The following SEC23A variants were observed in gnomAD, a reference collection of about 807,000 sequenced individuals.
SEC23A encodes protein transport protein Sec23A.
SEC23A carries 56 observed loss-of-function variants against 103.7 expected under a neutral mutation model. That is an observed-to-expected ratio of 0.54 (90% CI 0.44 to 0.67). The LOEUF (loss-of-function observed/expected upper bound fraction) is 0.67, where lower values mean the gene tolerates loss of function less well. SEC23A is among the 30% of genes least tolerant of loss of function. The probability of loss-of-function intolerance (pLI) is 0.00; values close to 1 mark genes in which losing one functional copy is unlikely to be tolerated. For missense variants in SEC23A, 784 were observed against 936.4 expected (o/e 0.84, Z 2.12); for synonymous variants, 281 against 293.0 (o/e 0.96, Z 0.42).
rs760520135 is a variant in SEC23A, at chr14:39,045,155, C to A, written c.1899+8G>T. The A allele has an allele frequency of 1.9e-6, 3 of 1,611,440 alleles. No individual in the cohort carries two copies. The highest frequency in any genetic ancestry group is 1.3e-5 in the African/African-American group (1 of 74,514). On this transcript the variant is annotated splice_region_variant and intron_variant, in intron 16 of 19. Transcript: ENST00000307712. Reference sequence around the variant, plus strand: ...CAAGACCAATTTATTTTTTTCTGTCCCTCTTACCTCTGGTGGTCCACTAAA... The same window carrying A: ...CAAGACCAATTTATTTTTTTCTGTCACTCTTACCTCTGGTGGTCCACTAAA...
At chr14:39,097,853 G>A (rs751272187) in intron 1 of SEC23A, among the ~76,000 whole-genome samples, 2 of 152,166 alleles carry the variant, frequency 1.3e-5, no homozygotes, top group Non-Finnish European at 2.9e-5. Context: ...GGGAGGCTGA[G>A]GCAGGTGGAT....
intron 14 of SEC23A, among the ~76,000 whole-genome samples, chr14:39,051,838 C>T (rs1027795586): frequency 1.3e-5 from 2 of 151,908 alleles, no homozygotes; most frequent in Non-Finnish European, 2.9e-5. Flanking sequence ...TGTGGTGGCA[C>T]ACACCTGTTA....
intron 11 of SEC23A, 98 bp downstream of exon 11, chr14:39,064,815 A>C: frequency 1.1e-6 from 1 of 879,768 alleles, no homozygotes; most frequent in Non-Finnish European, 2.0e-6. Context: ...CCTGGGCTTA[A>C]GCAATCCTCC....
At chr14:39,087,262 T>G (rs1240038101) in intron 5 of SEC23A, among the ~76,000 whole-genome samples, 1 of 152,216 alleles carries the variant, frequency 6.6e-6, no homozygotes, top group Admixed American at 6.5e-5. Context: ...CAAAAACACT[T>G]TATTTCTAAT....
intron 19 of SEC23A, among the ~76,000 whole-genome samples, chr14:39,036,694 AT>A (rs1344810661): frequency 6.6e-6 from 1 of 152,172 alleles, no homozygotes; most frequent in Non-Finnish European, 1.5e-5. Flanking sequence ...AGGATCTTAA[AT>A]ATCTGTTCTT....
intron 7 of SEC23A, among the ~76,000 whole-genome samples, chr14:39,079,396 T>A (rs1887141516): frequency 6.6e-6 from 1 of 152,198 alleles, no homozygotes; most frequent in South Asian, 2.1e-4. Flanking sequence ...ATTTGTATTG[T>A]CATATTAGAA....
chr14:39,047,769 T>C (rs1448555359), intron 15 of SEC23A, among the ~76,000 whole-genome samples: 1 of 152,208 alleles, frequency 6.6e-6, no homozygotes, highest in Non-Finnish European at 1.5e-5. Context: ...TAAAAGCTCC[T>C]TGTAAGAGGG....
intron 18 of SEC23A, chr14:39,040,473 T>C (rs920542640): frequency 3.9e-6 from 2 of 511,564 alleles, no homozygotes; most frequent in South Asian, 2.3e-5. Flanking sequence ...ACCACCACAA[T>C]GCCATCCTGG....
rs1886696607 is a variant in SEC23A, at chr14:39,067,168, C to T, written c.1227+5G>A. Reference sequence around the variant, plus strand: ...ATATCGCACATGTCAAGTTTTGGTTCTTACCTTTATTTCTAGCGTACCACC... The same window carrying T: ...ATATCGCACATGTCAAGTTTTGGTTTTTACCTTTATTTCTAGCGTACCACC... On this transcript the variant is annotated splice_donor_5th_base_variant and intron_variant, in intron 10 of 19. Transcript: ENST00000307712. The T allele has an allele frequency of 6.2e-7, 1 of 1,613,546 alleles. No homozygotes were observed. Among genetic ancestry groups the T allele is most frequent in the Non-Finnish European group, 8.5e-7 (1 of 1,179,854 alleles).
intron 19 of SEC23A, among the ~76,000 whole-genome samples, chr14:39,037,494 C>T (rs1247759197): frequency 6.6e-6 from 1 of 152,134 alleles, no homozygotes; most frequent in Non-Finnish European, 1.5e-5. Flanking sequence ...AACATTTTGC[C>T]ACGTATGCTT....
In SEC23A at chr14:39,094,402, AT is replaced by A; in HGVS notation, c.222-1159del. On this transcript the variant is annotated intron_variant, in intron 2 of 19. Coordinates refer to ENST00000307712, the MANE Select transcript of SEC23A (RefSeq NM_006364.4). ...CACACACACACACACACACACATAT[AT>A]ATATATATATATATATATATATATA... Among the ~76,000 whole-genome samples, 3 of 2,850 alleles carry A rather than the reference AT, an allele frequency of 1.1e-3. 1 individual carries two copies. The East Asian group carries it at 0.06, about 57-fold the overall frequency. 1.9% of individuals were successfully genotyped at this position (2,850 alleles called of 152,430 possible).
rs553514559 is a variant in SEC23A, at chr14:39,078,292, G to T, written c.829-2199C>A. On this transcript the variant is annotated intron_variant, in intron 7 of 19. Coordinates refer to ENST00000307712, the MANE Select transcript of SEC23A (RefSeq NM_006364.4). ...AAAAGTACATAAAATTTAAAGATAG[G>T]AAATAATGCAAGCAGTAGATCAGAA... 2.0e-5 allele frequency among the ~76,000 whole-genome samples: 3 copies of T among 151,740 alleles called. No homozygotes were observed. The South Asian group carries it at 6.3e-4, about 32-fold the overall frequency.
Position 39,054,277 on chromosome 14 carries a change from A to G in SEC23A, c.1659+866T>C, listed in dbSNP as rs138309452. On this transcript the variant is annotated intron_variant, in intron 14 of 19. Coordinates refer to ENST00000307712, the MANE Select transcript of SEC23A (RefSeq NM_006364.4). Reference sequence around the variant, plus strand: ...GTGACAGAGTGAGACCCTGTCTCAAAAAAAAAAAAAGGGACTAAGCTTAAT... The same window carrying G: ...GTGACAGAGTGAGACCCTGTCTCAAGAAAAAAAAAAGGGACTAAGCTTAAT... Among the ~76,000 whole-genome samples the G allele has an allele frequency of 7.6e-3, 1,146 of 151,386 alleles. 3 individuals are homozygous for G. Among genetic ancestry groups the G allele is most frequent in the Admixed American group, 0.013 (204 of 15,188 alleles).
chr14:39,079,029 T>C (rs974642783), intron 7 of SEC23A, among the ~76,000 whole-genome samples: 2 of 152,064 alleles, frequency 1.3e-5, no homozygotes, highest in Non-Finnish European at 2.9e-5. Flanking sequence ...ATTCTAAAAA[T>C]GTCTAGTGAA....
intron 9 of SEC23A, among the ~76,000 whole-genome samples, chr14:39,068,963 G>T (rs1886758971): frequency 6.6e-6 from 1 of 152,060 alleles, no homozygotes. Flanking sequence ...CCTTGATCCA[G>T]AAGTCTTGCC....
intron 12 of SEC23A, 107 bp from the exon 13 acceptor site, chr14:39,061,978 T>C: frequency 1.3e-6 from 1 of 759,944 alleles, no homozygotes; most frequent in Non-Finnish European, 2.4e-6. Context: ...CTAAAATTGA[T>C]TAGAAGGATA....
chr14:39,062,591 A>T (rs953081055), intron 12 of SEC23A, among the ~76,000 whole-genome samples: 7 of 152,326 alleles, frequency 4.6e-5, no homozygotes, highest in Non-Finnish European at 1.0e-4. Context: ...AATTATCATC[A>T]GAAAGAAATA....
chr14:39,054,282 A>G (rs1886168491), intron 14 of SEC23A, among the ~76,000 whole-genome samples: 1 of 152,070 alleles, frequency 6.6e-6, no homozygotes, highest in Non-Finnish European at 1.5e-5. Flanking sequence ...CTCAAAAAAA[A>G]AAAAAGGGAC....
intron 14 of SEC23A, among the ~76,000 whole-genome samples, chr14:39,049,862 G>A (rs1009560497): frequency 5.3e-5 from 8 of 151,138 alleles, no homozygotes; most frequent in Admixed American, 5.3e-4. Context: ...GCGCGATCTC[G>A]GTTCACTGCA....
Sources: gnomAD v4.1 joint callset for allele counts (sites outside exome capture counted in the v4.1 genomes callset) on GRCh38, gnomAD v4.1.1 for gene constraint, MANE v1.5 for transcripts, NCBI Gene and HGNC (gene_info 2026-07-23, HGNC 2026-07-21) for gene names.